The following PRKG1 variants were observed in gnomAD, a reference collection of about 807,000 sequenced individuals.
PRKG1 encodes the protein cGMP-dependent protein kinase 1.
Under a neutral mutation model 88.1 loss-of-function variants are expected in PRKG1, and 35 were observed. The ratio of observed to expected loss-of-function variants is 0.40; its 90% CI spans 0.30 to 0.53. The LOEUF is 0.53. Ranked by LOEUF, PRKG1 falls within the 20% of genes least tolerant of loss-of-function variation. PRKG1 has a pLI of 0.59. For synonymous variants in PRKG1, 303 were observed against 292.5 expected, an observed-to-expected ratio of 1.04 and a Z score of -0.37; for missense variants, 540 against 839.8, an observed-to-expected ratio of 0.64 and a Z score of 4.41.
chr10:51,012,090 T>A (rs1218922580), intron 1 of PRKG1, among the ~76,000 whole-genome samples: 1 of 152,196 alleles, frequency 6.6e-6, no homozygotes, highest in Non-Finnish European at 1.5e-5. Flanking sequence ...GTGACATGTG[T>A]GAATTGTGGG....
chr10:51,481,247 T>A (rs1840349165), intron 3 of PRKG1, among the ~76,000 whole-genome samples: 1 of 140,030 alleles, frequency 7.1e-6, no homozygotes, highest in Non-Finnish European at 1.6e-5. Context: ...TTGCTCTCTC[T>A]GTCTCTTTCT....
At chr10:51,767,653 G>A (rs1428097011) in intron 3 of PRKG1, among the ~76,000 whole-genome samples, 3 of 151,956 alleles carry the variant, frequency 2.0e-5, no homozygotes, top group Non-Finnish European at 4.4e-5. Context: ...TATGAAATCA[G>A]GCTGTTAGAA....
chr10:51,533,742 G>A (rs1208871484), intron 3 of PRKG1, among the ~76,000 whole-genome samples: 1 of 151,952 alleles, frequency 6.6e-6, no homozygotes, highest in African/African-American at 2.4e-5. Flanking sequence ...AAGCAAAGCT[G>A]AAAACTCTTA....
intron 3 of PRKG1, among the ~76,000 whole-genome samples, chr10:51,610,059 C>T (rs1231143300): frequency 5.3e-5 from 8 of 152,168 alleles, no homozygotes; most frequent in South Asian, 4.2e-4. Context: ...AATTTTGCCA[C>T]GTGAATAGAA....
At chr10:51,789,987 A>G (rs147431826) in intron 3 of PRKG1, among the ~76,000 whole-genome samples, 1 of 151,944 alleles carries the variant, frequency 6.6e-6, no homozygotes, top group African/African-American at 2.4e-5. Flanking sequence ...ACGCTCAGCT[A>G]ATTTTTCTAT....
intron 3 of PRKG1, among the ~76,000 whole-genome samples, chr10:51,701,411 A>T (rs1383700815): frequency 6.6e-6 from 1 of 152,226 alleles, no homozygotes; most frequent in Admixed American, 6.5e-5. Context: ...TTTTTGAAAC[A>T]GTTCTGCACT....
intron 3 of PRKG1, among the ~76,000 whole-genome samples, chr10:51,625,654 T>TA (rs1839316852): frequency 2.0e-5 from 3 of 152,210 alleles, no homozygotes; most frequent in African/African-American, 7.2e-5. Flanking sequence ...AAATTATCAT[T>TA]TAATAGTGCA....
chr10:51,745,293 C>T (rs1179907551), intron 3 of PRKG1, among the ~76,000 whole-genome samples: 1 of 151,900 alleles, frequency 6.6e-6, no homozygotes, highest in Non-Finnish European at 1.5e-5. Flanking sequence ...TCATTAGGTG[C>T]CATGATGTTT....
chr10:51,635,285 CAAAA>C (rs141088007), intron 3 of PRKG1, among the ~76,000 whole-genome samples: 24 of 108,824 alleles, frequency 2.2e-4, no homozygotes, highest in Non-Finnish European at 2.8e-4. Flanking sequence ...ATTATTTTAG[CAAAA>C]AAAAAAAAAA....
chr10:51,746,112 G>A (rs1421922483), intron 3 of PRKG1, among the ~76,000 whole-genome samples: 1 of 152,084 alleles, frequency 6.6e-6, no homozygotes, highest in South Asian at 2.1e-4. Flanking sequence ...GCCTCCCAAA[G>A]TGCTGGCATT....
chr10:51,156,079 T>C (rs372678745), intron 2 of PRKG1, among the ~76,000 whole-genome samples: 41 of 152,014 alleles, frequency 2.7e-4, no homozygotes, highest in African/African-American at 8.2e-4. Context: ...CCTAACATGA[T>C]TCAACAACCC....
At chr10:51,870,463 A>G (rs1841128522) in intron 4 of PRKG1, among the ~76,000 whole-genome samples, 1 of 151,784 alleles carries the variant, frequency 6.6e-6, no homozygotes, top group Non-Finnish European at 1.5e-5. Flanking sequence ...GTTTAAACCT[A>G]GGAGATACTT....
intron 2 of PRKG1, among the ~76,000 whole-genome samples, chr10:51,181,865 G>A (rs1837356580): frequency 1.3e-5 from 2 of 152,186 alleles, no homozygotes; most frequent in Non-Finnish European, 1.5e-5. Context: ...GCCTCTTGGA[G>A]GTATTTTGCA....
At chr10:50,993,563 A>C (rs932249538) in intron 1 of PRKG1, among the ~76,000 whole-genome samples, 7 of 152,206 alleles carry the variant, frequency 4.6e-5, no homozygotes, top group African/African-American at 1.2e-4. Flanking sequence ...CCTCCTTAAG[A>C]AGCCACTTCA....
At chr10:51,639,813 C>T (rs527571969) in intron 3 of PRKG1, among the ~76,000 whole-genome samples, 58 of 152,040 alleles carry the variant, frequency 3.8e-4, no homozygotes, top group African/African-American at 1.1e-3. Flanking sequence ...ACTACTTTTG[C>T]GCCAACCTAA....
chr10:51,478,178 C>T (rs1010356055), intron 3 of PRKG1, among the ~76,000 whole-genome samples: 1 of 152,042 alleles, frequency 6.6e-6, no homozygotes, highest in Non-Finnish European at 1.5e-5. Flanking sequence ...CCAAGTATAT[C>T]AAGGCTTTGG....
intron 3 of PRKG1, among the ~76,000 whole-genome samples, chr10:51,706,319 C>T (rs539258601): frequency 3.9e-5 from 6 of 152,178 alleles, no homozygotes; most frequent in African/African-American, 1.2e-4. Flanking sequence ...GCTCCACCTG[C>T]GCTGGCCTTC....
intron 4 of PRKG1, among the ~76,000 whole-genome samples, chr10:51,905,232 C>A (rs1937672): frequency 0.49 from 74,107 of 151,948 alleles, 18,302 homozygotes; most frequent in East Asian, 0.61. Flanking sequence ...GAAATTAAAC[C>A]CCACATGGCT....
At chr10:51,717,055 G>A (rs1035498778) in intron 3 of PRKG1, among the ~76,000 whole-genome samples, 3 of 152,164 alleles carry the variant, frequency 2.0e-5, no homozygotes, top group Non-Finnish European at 2.9e-5. Flanking sequence ...GTGGGAGGGA[G>A]TGGCAGGCAA....
Sources: allele counts gnomAD v4.1 joint callset (sites outside exome capture counted in the v4.1 genomes callset), GRCh38; gene constraint gnomAD v4.1.1; transcripts MANE v1.5; gene names NCBI Gene and HGNC (gene_info 2026-07-23, HGNC 2026-07-21).